The following LARS2 variants were observed in gnomAD, a reference collection of about 807,000 sequenced individuals.
The protein encoded by LARS2 is leucine--tRNA ligase, mitochondrial.
Under a neutral mutation model 116.6 loss-of-function variants are expected in LARS2, and 81 were observed. That is an observed-to-expected ratio of 0.69 (90% confidence interval 0.58 to 0.84). The LOEUF (loss-of-function observed/expected upper bound fraction) is 0.84, where lower values mean the gene tolerates loss of function less well. LARS2 is among the 40% of genes least tolerant of loss of function. The pLI, the probability that LARS2 is intolerant of heterozygous loss-of-function variation, is 0.00. For synonymous variants in LARS2, 396 were observed against 407.2 expected (o/e 0.97, Z 0.33); for missense variants, 968 against 1,114.5 (o/e 0.87, Z 1.87).
chr3:45,493,679 G>GTAT (rs1324767072), intron 13 of LARS2, among the ~76,000 whole-genome samples: 1 of 152,004 alleles, frequency 6.6e-6, no homozygotes, highest in Non-Finnish European at 1.5e-5. Context: ...CTACTACCCA[G>GTAT]TATTATTATT....
chr3:45,500,554 C>A lies in LARS2; in HGVS notation c.1735C>A (p.His579Asn). 6.4e-7 allele frequency: 1 copy of A among 1,560,400 alleles called. No individual in the cohort carries two copies. The change falls in exon 15 of 22, where the codon CAT becomes AAT. Residue 579 changes from histidine (H) to asparagine (N), a missense_variant. Transcript: ENST00000645846. ...TGCAAGATTCTTTAGTCATTTTTGC[C>A]ATGATCAAAAAATGGTTAAACATAG... ...FYARFFSHFCHDQKMVKHREP... is the reference protein window; with the variant it reads ...FYARFFSHFCNDQKMVKHREP...
Position 45,419,668 on chromosome 3 carries a change from G to A in LARS2, c.456-1G>A, listed in dbSNP as rs750499510. On this transcript the variant is annotated splice_acceptor_variant, in intron 5 of 21. Transcript: ENST00000645846. LOFTEE classifies it high-confidence loss of function. ...CAAACCTTTTTCCCATTGTTTCACA[G>A]TAATATTAAACACATGAGGAAACAG... The A allele has an allele frequency of 6.2e-7, 1 of 1,612,880 alleles. No individual in the cohort carries two copies. Among genetic ancestry groups the A allele is most frequent in the South Asian group, 1.1e-5 (1 of 91,046 alleles).
chr3:45,484,963 A>T (rs542663847), intron 10 of LARS2, among the ~76,000 whole-genome samples: 2 of 151,810 alleles, frequency 1.3e-5, no homozygotes, highest in East Asian at 3.9e-4. Flanking sequence ...CTGCCAGGTA[A>T]TCTATCCATT....
At chr3:45,455,750 C>T (rs1699202546) in intron 7 of LARS2, among the ~76,000 whole-genome samples, 1 of 152,010 alleles carries the variant, frequency 6.6e-6, no homozygotes, top group African/African-American at 2.4e-5. Context: ...CCTAAGTGTC[C>T]ATCAACAGAC....
Position 45,476,542 on chromosome 3 carries a change from C to A in LARS2, c.933C>A (p.His311Gln), listed in dbSNP as rs761528611. 3 of 1,614,208 alleles carry A rather than the reference C, an allele frequency of 1.9e-6. No homozygotes were observed. The highest frequency in any genetic ancestry group is 2.5e-6 in the Non-Finnish European group (3 of 1,180,006). The part of the protein sequence containing the change: ...ATPEAIYGTS[H>Q]VAISPSHRLL... ...CTGAAGCCATTTATGGCACCTCCCACGTGGCCATCTCGCCCAGCCACAGAC... is the reference window on the plus strand; with the variant it reads ...CTGAAGCCATTTATGGCACCTCCCAAGTGGCCATCTCGCCCAGCCACAGAC... Residue 311 changes from histidine (H) to glutamine (Q), a missense_variant, in exon 10 of 22, where the codon CAC becomes CAA. His to Gln is a conservative substitution (Grantham distance 24, BLOSUM62 0). Transcript: ENST00000645846.
chr3:45,502,667 T>G (rs181528613), intron 15 of LARS2, among the ~76,000 whole-genome samples: 41 of 152,248 alleles, frequency 2.7e-4, no homozygotes, highest in African/African-American at 9.1e-4. Flanking sequence ...TGCCTCGGCC[T>G]CCCGAAGTGC....
At chr3:45,428,369 G>A (rs758213309) in intron 6 of LARS2, among the ~76,000 whole-genome samples, 9 of 142,030 alleles carry the variant, frequency 6.3e-5, no homozygotes, top group African/African-American at 7.8e-5. Flanking sequence ...TCAGCCGCCC[G>A]AGTAGCTGGG....
intron 4 of LARS2, among the ~76,000 whole-genome samples, chr3:45,405,095 T>C (rs960462977): frequency 1.3e-5 from 2 of 151,990 alleles, no homozygotes; most frequent in African/African-American, 2.4e-5. Flanking sequence ...TAACTTCTTT[T>C]GTGTTAGCAT....
At chr3:45,432,459 A>G (rs566898480) in intron 6 of LARS2, among the ~76,000 whole-genome samples, 2 of 152,234 alleles carry the variant, frequency 1.3e-5, no homozygotes, top group Admixed American at 1.3e-4. Flanking sequence ...TCAGACCACA[A>G]TGGTATGAAG....
intron 6 of LARS2, chr3:45,422,159 C>A (rs1407240153): frequency 6.6e-6 from 1 of 152,092 alleles, no homozygotes; most frequent in Non-Finnish European, 1.5e-5. Context: ...TACAAATTTC[C>A]TTTCTCAAGT....
chr3:45,439,209 G>GTTTTTTTT (rs1698859752), intron 6 of LARS2, among the ~76,000 whole-genome samples: 1 of 110,492 alleles, frequency 9.1e-6, no homozygotes, highest in African/African-American at 3.4e-5. Flanking sequence ...AGAAACTCTG[G>GTTTTTTTT]CTTTTTTTTT....
In LARS2 at chr3:45,394,442, A is replaced by G. The variant is rs759694320; in HGVS notation, c.-12A>G. 3.1e-6 allele frequency: 5 copies of G among 1,607,054 alleles called. No homozygotes were observed. The East Asian group carries it at 8.9e-5, about 29-fold the overall frequency. On this transcript the variant is annotated 5_prime_UTR_variant, in exon 3 of 22. Transcript: ENST00000645846. The stretch of plus-strand genomic sequence containing the variant: ...CTGCCCTCTTTTTCAGGGCCTTCTC[A>G]CCTTCTGAAGAATGGCTTCTGTTTG...
chr3:45,422,865 G>A (rs539303081), intron 6 of LARS2, among the ~76,000 whole-genome samples: 2 of 152,208 alleles, frequency 1.3e-5, no homozygotes, highest in Non-Finnish European at 2.9e-5. Flanking sequence ...AAATTAAAAG[G>A]TGGGCAAATA....
intron 20 of LARS2, among the ~76,000 whole-genome samples, chr3:45,529,550 C>CAAAA (rs796789532): frequency 1.0e-5 from 1 of 97,132 alleles, no homozygotes; most frequent in Non-Finnish European, 2.2e-5. Context: ...ACTCCATCTC[C>CAAAA]AAAAAAAAAA....
chr3:45,417,695 T>C, intron 5 of LARS2, 122 bp downstream of exon 5: 1 of 633,226 alleles, frequency 1.6e-6, no homozygotes, highest in South Asian at 1.9e-5. Flanking sequence ...AAGAGATAAA[T>C]ATGATTGTGT....
chr3:45,494,941 A>G (rs147715649), intron 13 of LARS2, among the ~76,000 whole-genome samples: 342 of 152,236 alleles, frequency 2.2e-3, no homozygotes, highest in African/African-American at 7.9e-3. Context: ...CATGGCATGC[A>G]CCTGTAATCC....
At chr3:45,480,140 A>T (rs568484640) in intron 10 of LARS2, among the ~76,000 whole-genome samples, 2 of 152,236 alleles carry the variant, frequency 1.3e-5, no homozygotes, top group Non-Finnish European at 2.9e-5. Flanking sequence ...AACTGTTTCA[A>T]GTAGAATTCT....
chr3:45,439,882 C>T (rs1213391262), intron 6 of LARS2, among the ~76,000 whole-genome samples: 1 of 152,192 alleles, frequency 6.6e-6, no homozygotes, highest in African/African-American at 2.4e-5. Flanking sequence ...CCCTGTCTTT[C>T]ACACAGTATT....
chr3:45,392,132 A>G (rs1697963840), intron 2 of LARS2, among the ~76,000 whole-genome samples: 1 of 152,162 alleles, frequency 6.6e-6, no homozygotes. Flanking sequence ...ATAGCAACCT[A>G]AGCCCTAAAA....
Sources: allele counts gnomAD v4.1 joint callset (sites outside exome capture counted in the v4.1 genomes callset), GRCh38; gene constraint gnomAD v4.1.1; transcripts MANE v1.5; gene names NCBI Gene and HGNC (gene_info 2026-07-23, HGNC 2026-07-21).